The following FAM151B variants were observed in gnomAD, a reference collection of about 807,000 sequenced individuals.
The protein encoded by FAM151B is protein FAM151B.
A neutral mutation model predicts 31.2 loss-of-function variants in FAM151B; 24 were observed. The ratio of observed to expected loss-of-function variants is 0.77; its 90% confidence interval spans 0.56 to 1.08. The LOEUF (loss-of-function observed/expected upper bound fraction) is 1.08. Among genes scored for constraint, FAM151B ranks in the 50% least tolerant of loss-of-function variants. The pLI, the probability that FAM151B is intolerant of heterozygous loss-of-function variation, is 0.00. For synonymous variants in FAM151B, 105 were observed against 111.4 expected (o/e 0.94, Z 0.36); for missense variants, 293 against 328.6 (o/e 0.89, Z 0.84).
chr5:80,538,432 CTTTCTTTCTTTCTTTCTCTT>C (rs1351332754), intron 5 of FAM151B, among the ~76,000 whole-genome samples: 39 of 58,772 alleles, frequency 6.6e-4, no homozygotes, highest in Middle Eastern at 8.1e-3. Context: ...TTCTTTCTTT[CTTTCTTTCTTTCTTTCTCTT>C]TCTTTCTTTC....
chr5:80,529,420 A>T (rs1048503971), intron 5 of FAM151B, among the ~76,000 whole-genome samples: 9 of 152,186 alleles, frequency 5.9e-5, no homozygotes, highest in Non-Finnish European at 1.2e-4. Context: ...AGACACAAAA[A>T]ACCCTTCAAA....
chr5:80,519,230 A>G (rs1744594864), intron 3 of FAM151B, among the ~76,000 whole-genome samples: 1 of 152,202 alleles, frequency 6.6e-6, no homozygotes, highest in Non-Finnish European at 1.5e-5. Flanking sequence ...GAAAGAAGCT[A>G]CTTTTATTCT....
chr5:80,516,882 C>A (rs551215330), intron 3 of FAM151B, among the ~76,000 whole-genome samples: 2 of 152,298 alleles, frequency 1.3e-5, no homozygotes, highest in African/African-American at 4.8e-5. Context: ...CAGTAACCTG[C>A]AGTACACCAT....
At chr5:80,508,463 A>G (rs928691492) in intron 2 of FAM151B, among the ~76,000 whole-genome samples, 5 of 151,872 alleles carry the variant, frequency 3.3e-5, no homozygotes, top group African/African-American at 1.2e-4. Flanking sequence ...TTTTAATTAT[A>G]GCCAGCTAAG....
chr5:80,518,923 A>C (rs1744579842), intron 3 of FAM151B: 1 of 152,158 alleles, frequency 6.6e-6, no homozygotes. Context: ...TATGATATTC[A>C]CTACAAGGTA....
At chr5:80,493,796 C>G (rs1743404902) in intron 1 of FAM151B, among the ~76,000 whole-genome samples, 1 of 152,158 alleles carries the variant, frequency 6.6e-6, no homozygotes, top group Admixed American at 6.5e-5. Flanking sequence ...ACAATATGTG[C>G]ACAGCGGGAC....
chr5:80,489,717 G>A (rs1743241221), intron 1 of FAM151B, among the ~76,000 whole-genome samples: 1 of 152,196 alleles, frequency 6.6e-6, no homozygotes, highest in Non-Finnish European at 1.5e-5. Flanking sequence ...GAGGTCAGGA[G>A]ATCAAGACCA....
At chr5:80,491,071 G>A (rs926166949) in intron 1 of FAM151B, among the ~76,000 whole-genome samples, 8 of 152,060 alleles carry the variant, frequency 5.3e-5, no homozygotes, top group African/African-American at 1.9e-4. Context: ...GTGATGTTAT[G>A]ATACATGTAT....
At chr5:80,521,936 A>T in intron 4 of FAM151B, 67 bp from the exon 5 acceptor site, 1 of 1,183,022 alleles carries the variant, frequency 8.5e-7, no homozygotes, top group Non-Finnish European at 1.2e-6. Flanking sequence ...TAGGTAATTT[A>T]GTCTTTTATT....
intron 5 of FAM151B, among the ~76,000 whole-genome samples, chr5:80,525,005 T>TTA (rs1259603895): frequency 6.6e-6 from 1 of 152,144 alleles, no homozygotes; most frequent in African/African-American, 2.4e-5. Flanking sequence ...ATAGAGAGCA[T>TTA]TAGAAGCCTG....
intron 2 of FAM151B, among the ~76,000 whole-genome samples, chr5:80,510,060 A>G (rs1387752554): frequency 6.6e-6 from 1 of 152,094 alleles, no homozygotes; most frequent in Non-Finnish European, 1.5e-5. Context: ...TGATATGGCA[A>G]CACTCCACTT....
chr5:80,535,315 A>T (rs1019767366), intron 5 of FAM151B, among the ~76,000 whole-genome samples: 1 of 152,212 alleles, frequency 6.6e-6, no homozygotes, highest in Non-Finnish European at 1.5e-5. Context: ...AAATGAACAA[A>T]ACTGGAAGAA....
intron 5 of FAM151B, among the ~76,000 whole-genome samples, chr5:80,532,760 A>T (rs1211625306): frequency 6.6e-6 from 1 of 152,228 alleles, no homozygotes; most frequent in African/African-American, 2.4e-5. Context: ...TCACAAAACA[A>T]GTCTAACAAC....
intron 2 of FAM151B, among the ~76,000 whole-genome samples, chr5:80,505,488 G>A (rs1743918305): frequency 6.6e-6 from 1 of 151,244 alleles, no homozygotes; most frequent in Non-Finnish European, 1.5e-5. Flanking sequence ...TCCGCCTCCT[G>A]GGTTCACACC....
intron 5 of FAM151B, among the ~76,000 whole-genome samples, chr5:80,541,144 T>A (rs1469784402): frequency 6.6e-6 from 1 of 152,218 alleles, no homozygotes; most frequent in East Asian, 1.9e-4. Context: ...AAGATCTAAA[T>A]GTATTCTATT....
intron 1 of FAM151B, among the ~76,000 whole-genome samples, chr5:80,497,955 T>A (rs190336555): frequency 2.0e-5 from 3 of 152,084 alleles, no homozygotes; most frequent in African/African-American, 7.2e-5. Flanking sequence ...AATAAATAAA[T>A]AAAAAGTGCT....
intron 3 of FAM151B, among the ~76,000 whole-genome samples, chr5:80,514,961 C>T (rs575386568): frequency 6.6e-5 from 10 of 151,858 alleles, no homozygotes; most frequent in East Asian, 1.9e-4. Context: ...TTTTTTCGAC[C>T]GGGCACGGTG....
Position 80,500,267 on chromosome 5 carries a change from T to C in FAM151B, c.26-1525T>C. On this transcript the variant is annotated intron_variant, in intron 1 of 5. Coordinates refer to ENST00000282226, the MANE Select transcript of FAM151B (RefSeq NM_205548.3). ...GGGGGAAGCAAAGGAAATGGGGAGA[T>C]GTAGGTTAGAGCATACAGAACAGAT... 3 of 615,804 alleles carry C rather than the reference T, an allele frequency of 4.9e-6. No homozygotes were observed. The East Asian group carries it at 8.3e-5, about 17-fold the overall frequency. The allele number at this position is 615,804 out of a possible 1,614,324, so 38.1% of individuals were successfully genotyped here.
chr5:80,526,491 G>A (rs143895348), intron 5 of FAM151B, among the ~76,000 whole-genome samples: 33 of 151,892 alleles, frequency 2.2e-4, no homozygotes, highest in African/African-American at 7.7e-4. Context: ...ATGATGGCAG[G>A]TGCCTGTAAT....
Sources: gnomAD v4.1 joint callset for allele counts (sites outside exome capture counted in the v4.1 genomes callset) on GRCh38, gnomAD v4.1.1 for gene constraint, MANE v1.5 for transcripts, NCBI Gene and HGNC (gene_info 2026-07-23, HGNC 2026-07-21) for gene names.